Variants in PSD2 observed in about 807,000 individuals in gnomAD.
PSD2 encodes the protein PH and SEC7 domain-containing protein 2.
A neutral mutation model predicts 69.8 loss-of-function variants in PSD2; 38 were observed. That is an observed-to-expected ratio of 0.54 (90% confidence interval 0.42 to 0.71). PSD2 has a LOEUF of 0.71. Ranked by LOEUF, PSD2 falls within the 30% of genes least tolerant of loss-of-function variation. PSD2 has a pLI of 0.00. For synonymous variants in PSD2, 412 were observed against 423.0 expected, an observed-to-expected ratio of 0.97 and a Z score of 0.32; for missense variants, 943 against 1,014.5, an observed-to-expected ratio of 0.93 and a Z score of 0.96.
At chr5:139,763,689 G>A in the PSD2 span, among the ~76,000 whole-genome samples, 1 of 152,176 alleles carries the variant, frequency 6.6e-6, no homozygotes, top group Non-Finnish European at 1.5e-5. Context: ...CTGGCACAGC[G>A]AGCCTCCAGG....
the PSD2 span, among the ~76,000 whole-genome samples, chr5:139,747,244 C>G: frequency 5.3e-5 from 8 of 152,260 alleles, no homozygotes; most frequent in African/African-American, 7.2e-5. The surrounding 1 kb of genome is among the most constrained non-coding windows in gnomAD (Gnocchi z 6.7). Context: ...GTCTCCCCCC[C>G]TTCAGTTACC....
the PSD2 span, among the ~76,000 whole-genome samples, chr5:139,745,673 C>T: frequency 6.6e-6 from 1 of 152,348 alleles, no homozygotes. Flanking sequence ...CAGTGCGGAG[C>T]TGCTGCGGGT....
In PSD2 at chr5:139,842,284, A is replaced by G. The variant is rs1227926426; in HGVS notation, c.2126A>G (p.Glu709Gly). Residue 709 changes from glutamate (E) to glycine (G), a missense_variant, in exon 15 of 15, where the codon GAG (glutamate) becomes GGG (glycine). Glu to Gly is a moderately conservative substitution (Grantham distance 98, BLOSUM62 -2). This residue lies in a region of PSD2 where 165 missense variants were observed against 168.8 expected (regional missense o/e 0.98). Transcript: ENST00000274710. The stretch of plus-strand genomic sequence containing the variant: ...GCCTTTCCCCAGAAAAGCCGTTATG[A>G]GACCTATATCCACCTCCTGGCTATG... ...HYLTFEKSRY[E>G]TYIHLLAMKI... is the part of the protein sequence containing the mutation. 5.6e-6 allele frequency: 9 copies of G among 1,614,152 alleles called. No homozygotes were observed. In the South Asian group the frequency reaches 8.8e-5, roughly 16 times the overall value.
At chr5:139,835,579 C>T in intron 8 of PSD2, 144 bp from the exon 9 acceptor site, 1 of 782,832 alleles carries the variant, frequency 1.3e-6, no homozygotes, top group Non-Finnish European at 2.3e-6. Flanking sequence ...ACTTACCCAT[C>T]CAGCAAATAA....
the PSD2 span, among the ~76,000 whole-genome samples, chr5:139,757,439 T>A: frequency 6.6e-6 from 1 of 152,280 alleles, no homozygotes; most frequent in Non-Finnish European, 1.5e-5. Flanking sequence ...TCAGATGTAG[T>A]GTGGATGGGT....
At chr5:139,830,345 C>CTTTTT (rs755605094) in intron 7 of PSD2, among the ~76,000 whole-genome samples, 2 of 116,574 alleles carry the variant, frequency 1.7e-5, no homozygotes, top group East Asian at 5.1e-4. Flanking sequence ...TGATAGTGTT[C>CTTTTT]TTTTTTTTTT....
chr5:139,777,204 C>T, the PSD2 span, among the ~76,000 whole-genome samples: 1 of 152,210 alleles, frequency 6.6e-6, no homozygotes, highest in Non-Finnish European at 1.5e-5. Context: ...CTGGGTATAC[C>T]CTAATTGGCA....
chr5:139,793,131 G>A (rs1010319255), upstream of PSD2, among the ~76,000 whole-genome samples: 19 of 151,942 alleles, frequency 1.3e-4, no homozygotes, highest in African/African-American at 2.7e-4. Context: ...TAGTAGAGAG[G>A]GGGGTTTCAC....
intron 9 of PSD2, among the ~76,000 whole-genome samples, chr5:139,836,171 G>A (rs1056219963): frequency 6.6e-6 from 1 of 152,228 alleles, no homozygotes; most frequent in Non-Finnish European, 1.5e-5. Flanking sequence ...ACAGTGGGAA[G>A]GGGAGAGTGC....
intron 1 of PSD2, among the ~76,000 whole-genome samples, chr5:139,805,020 CGT>C (rs111560485): frequency 0.024 from 3,601 of 150,322 alleles, 147 homozygotes; most frequent in African/African-American, 0.082. Flanking sequence ...TGAGTGTGTG[CGT>C]GTGTGTGTAT....
chr5:139,756,243 T>G, the PSD2 span, among the ~76,000 whole-genome samples: 1 of 152,152 alleles, frequency 6.6e-6, no homozygotes, highest in African/African-American at 2.4e-5. Context: ...CCCTTTCATG[T>G]CTGCCGCGCC....
At chr5:139,798,099 A>T (rs1336634073) in intron 1 of PSD2, among the ~76,000 whole-genome samples, 5 of 152,184 alleles carry the variant, frequency 3.3e-5, no homozygotes, top group Admixed American at 3.3e-4. Context: ...TTTGAGCGGC[A>T]TCTTATGTCT....
intron 5 of PSD2, among the ~76,000 whole-genome samples, chr5:139,821,424 A>G (rs1760257625): frequency 6.6e-6 from 1 of 152,094 alleles, no homozygotes; most frequent in East Asian, 1.9e-4. Context: ...TGGCAACTCA[A>G]ACTTGGGGTA....
chr5:139,783,943 C>CTTTTTTTTTTTTTTTTTT, the PSD2 span, among the ~76,000 whole-genome samples: 12 of 87,884 alleles, frequency 1.4e-4, no homozygotes, highest in East Asian at 9.0e-4. Flanking sequence ...TCTGCTAGCT[C>CTTTTTTTTTTTTTTTTTT]TTTTTTTTTT....
At chr5:139,803,431 C>A (rs977032362) in intron 1 of PSD2, among the ~76,000 whole-genome samples, 4 of 152,236 alleles carry the variant, frequency 2.6e-5, no homozygotes. Context: ...TTTTGGGAGG[C>A]AGCAGCCCTC....
chr5:139,757,787 C>T, the PSD2 span, among the ~76,000 whole-genome samples: 2 of 152,192 alleles, frequency 1.3e-5, no homozygotes, highest in African/African-American at 4.8e-5. Context: ...GTCCTCTCCC[C>T]AGCATACCCT....
chr5:139,816,884 T>C (rs1056527405), intron 4 of PSD2, among the ~76,000 whole-genome samples: 3 of 152,214 alleles, frequency 2.0e-5, no homozygotes, highest in African/African-American at 7.2e-5. Context: ...TCCTGAAGTC[T>C]CACATCTCCC....
rs1760749524 is a variant in PSD2 at position 139,837,225 on chromosome 5, T to A, written c.1652T>A (p.Leu551Gln). 5 of 1,613,834 alleles carry A rather than the reference T, an allele frequency of 3.1e-6. No homozygotes were observed. Among genetic ancestry groups the A allele is most frequent in the Non-Finnish European group, 4.2e-6 (5 of 1,179,856 alleles). Residue 551 changes from leucine (L) to glutamine (Q), a missense_variant, in exon 11 of 15, where the codon CTG (leucine) becomes CAG (glutamine). By Grantham distance (113) the Leu-to-Gln change is moderately radical. Coordinates refer to ENST00000274710, the MANE Select transcript of PSD2 (RefSeq NM_032289.4). This position sits in a 1 kb window ranked among gnomAD's most constrained non-coding sequence, Gnocchi z 5.0. Reference sequence around the variant, plus strand: ...TACGCAGTGCTCAAAGGGACCATCCTGTACCTGCAGAAGGTGAGAGACTGC... The same window carrying A: ...TACGCAGTGCTCAAAGGGACCATCCAGTACCTGCAGAAGGTGAGAGACTGC... The part of the protein sequence containing the change: ...KFYAVLKGTI[L>Q]YLQKDEYRPD...
the PSD2 span, among the ~76,000 whole-genome samples, chr5:139,770,130 A>G: frequency 6.6e-6 from 1 of 152,294 alleles, no homozygotes; most frequent in South Asian, 2.1e-4. Flanking sequence ...GCTCAGCAAG[A>G]CTCAAAGTGA....
Sources: gnomAD v4.1 joint callset for allele counts (sites outside exome capture counted in the v4.1 genomes callset) on GRCh38, gnomAD v4.1.1 for gene constraint, gnomAD v4.1.1 regional missense constraint, Gnocchi (gnomAD v3.1) non-coding constraint, MANE v1.5 for transcripts, NCBI Gene and HGNC (gene_info 2026-07-23, HGNC 2026-07-21) for gene names.